The following GUCY1A2 variants were observed in gnomAD, a reference collection of about 807,000 sequenced individuals.
GUCY1A2 encodes the protein guanylate cyclase 1 soluble subunit alpha 2.
A neutral mutation model predicts 63.5 loss-of-function variants in GUCY1A2; 27 were observed. The observed-to-expected ratio is 0.43, with a 90% CI of 0.31 to 0.59. The LOEUF (loss-of-function observed/expected upper bound fraction) is 0.59, where lower values mean the gene tolerates loss of function less well. Among genes scored for constraint, GUCY1A2 ranks in the 20% least tolerant of loss-of-function variants. The probability of loss-of-function intolerance (pLI) is 0.11; values close to 1 mark genes in which losing one functional copy is unlikely to be tolerated. For missense variants in GUCY1A2, 768 were observed against 913.3 expected (o/e 0.84, Z 2.05); for synonymous variants, 364 against 343.5 (o/e 1.06, Z -0.66).
chr11:106,898,433 T>A (rs1860080949), intron 4 of GUCY1A2, among the ~76,000 whole-genome samples: 1 of 152,112 alleles, frequency 6.6e-6, no homozygotes. Context: ...TTGCCAAAAC[T>A]CAAAGCAACC....
Position 106,686,905 on chromosome 11 carries a change from C to G in GUCY1A2, c.*644G>C, listed in dbSNP as rs748884414. On this transcript the variant is annotated 3_prime_UTR_variant, in exon 8 of 8. Transcript: ENST00000526355. ...CACTGATCTCTCTAAATAAGGGAAACTATATTAGATTAATAGGTTAGCATT... is the reference window on the plus strand; with the variant it reads ...CACTGATCTCTCTAAATAAGGGAAAGTATATTAGATTAATAGGTTAGCATT... The G allele has an allele frequency of 5.1e-6, 1 of 197,314 alleles. No individual in the cohort carries two copies. The highest frequency in any genetic ancestry group is 1.0e-5 in the Non-Finnish European group (1 of 95,270). 12.2% of individuals were successfully genotyped at this position (197,314 alleles called of 1,614,324 possible).
At chr11:106,880,234 C>T (rs1331912454) in intron 4 of GUCY1A2, among the ~76,000 whole-genome samples, 4 of 152,160 alleles carry the variant, frequency 2.6e-5, no homozygotes, top group South Asian at 2.1e-4. Context: ...CTTGAAGATT[C>T]ATTCCTTATC....
chr11:106,855,951 G>A (rs1312477216), intron 4 of GUCY1A2, among the ~76,000 whole-genome samples: 3 of 147,056 alleles, frequency 2.0e-5, no homozygotes, highest in Non-Finnish European at 3.0e-5. Flanking sequence ...TTGGTGACAG[G>A]GTCTCATTCC....
At chr11:106,730,644 G>C (rs1476267728) in intron 6 of GUCY1A2, among the ~76,000 whole-genome samples, 2 of 152,200 alleles carry the variant, frequency 1.3e-5, no homozygotes, top group Middle Eastern at 3.4e-3. Context: ...TAATGGGATT[G>C]CTGGGTTGAA....
chr11:106,765,814 A>G (rs1429659832), intron 6 of GUCY1A2, among the ~76,000 whole-genome samples: 1 of 152,160 alleles, frequency 6.6e-6, no homozygotes, highest in Non-Finnish European at 1.5e-5. Flanking sequence ...TATTTCCCTA[A>G]AGAGTCTGAA....
intron 4 of GUCY1A2, among the ~76,000 whole-genome samples, chr11:106,862,326 A>T (rs914526997): frequency 7.8e-4 from 24 of 30,628 alleles, no homozygotes; most frequent in African/African-American, 3.0e-3. Flanking sequence ...ATTGAATGAG[A>T]TATAAAAAAA....
intron 4 of GUCY1A2, chr11:106,827,797 G>A: frequency 6.4e-7 from 1 of 1,572,914 alleles, no homozygotes; most frequent in Non-Finnish European, 8.7e-7. Context: ...GATGGAAAGT[G>A]AGTAGCCAAC....
chr11:106,979,473 AAAG>A (rs61536886), intron 2 of GUCY1A2, among the ~76,000 whole-genome samples: 55 of 150,198 alleles, frequency 3.7e-4, no homozygotes, highest in Admixed American at 5.9e-4. Context: ...AAAAAAAAAA[AAAG>A]AAGAAGATAG....
intron 7 of GUCY1A2, among the ~76,000 whole-genome samples, chr11:106,694,374 T>C (rs1862678762): frequency 6.6e-6 from 1 of 152,164 alleles, no homozygotes; most frequent in Non-Finnish European, 1.5e-5. Context: ...TTATTAGTAA[T>C]AAAGTTCTAC....
At chr11:106,777,747 G>A (rs993113731) in intron 5 of GUCY1A2, among the ~76,000 whole-genome samples, 1 of 152,028 alleles carries the variant, frequency 6.6e-6, no homozygotes, top group Non-Finnish European at 1.5e-5. Context: ...GTTGATGGGT[G>A]CAGCAAACCA....
In GUCY1A2 at chr11:106,936,571, T is replaced by G. The variant is rs946434435; in HGVS notation, c.1206+2889A>C. ...AGAAGAATATGTGAGGCATGGATGA[T>G]CACTTAGAGAAAATGTAGAGGAAAC... On this transcript the variant is annotated intron_variant, in intron 4 of 7. Transcript: ENST00000526355. 1.2e-5 allele frequency: 9 copies of G among 720,598 alleles called. No homozygotes were observed. In the African/African-American group the frequency reaches 1.6e-4, roughly 13 times the overall value. The allele number at this position is 720,598 out of a possible 1,614,324, so 44.6% of individuals were successfully genotyped here. A position where few individuals can be genotyped will look rare whatever the true frequency, so the allele number is the denominator to read the frequency against.
chr11:106,696,788 T>G (rs575808981), intron 7 of GUCY1A2, among the ~76,000 whole-genome samples: 15 of 152,256 alleles, frequency 9.9e-5, no homozygotes, highest in Non-Finnish European at 1.9e-4. Context: ...TCCTTGCAAA[T>G]TCCACTAAAA....
Position 106,677,176 on chromosome 11 carries a change from G to T in GUCY1A2, c.*10373C>A. On this transcript the variant is annotated 3_prime_UTR_variant, in exon 8 of 8. Transcript: ENST00000526355. The stretch of plus-strand genomic sequence containing the variant: ...TAGAAAGAAATAAAGCAAAGAGGGA[G>T]GGAAGGAAAGGAAGGAAAGGAAGGA... The T allele has an allele frequency of 4.5e-6, 1 of 221,654 alleles. No individual in the cohort carries two copies. The allele number at this position is 221,654 out of a possible 1,614,324, so 13.7% of individuals were successfully genotyped here.
chr11:106,987,953 T>C (rs958583319), intron 1 of GUCY1A2, among the ~76,000 whole-genome samples: 2 of 152,154 alleles, frequency 1.3e-5, no homozygotes, highest in African/African-American at 4.8e-5. Flanking sequence ...CACAAATTAA[T>C]TTTAGGAGGA....
At chr11:106,898,427 CA>C (rs1860080882) in intron 4 of GUCY1A2, among the ~76,000 whole-genome samples, 1 of 151,986 alleles carries the variant, frequency 6.6e-6, no homozygotes, top group African/African-American at 2.4e-5. Flanking sequence ...TCATAATTGC[CA>C]AAACTCAAAG....
At chr11:106,928,667 G>A (rs1286602409) in intron 4 of GUCY1A2, among the ~76,000 whole-genome samples, 5 of 152,110 alleles carry the variant, frequency 3.3e-5, no homozygotes, top group African/African-American at 1.2e-4. Flanking sequence ...CACAAACCTA[G>A]AGGCATAGCC....
At chr11:107,008,747 T>C (rs61902999) in intron 1 of GUCY1A2, among the ~76,000 whole-genome samples, 40,925 of 152,042 alleles carry the variant, frequency 0.27, 5,981 homozygotes, top group Non-Finnish European at 0.33. Flanking sequence ...TAGGATTCCA[T>C]AGGGGAAAAA....
intron 4 of GUCY1A2, among the ~76,000 whole-genome samples, chr11:106,908,229 T>C (rs1860240307): frequency 6.6e-6 from 1 of 152,046 alleles, no homozygotes; most frequent in Admixed American, 6.6e-5. Flanking sequence ...CATTAGACCT[T>C]TCTTTACTAG....
rs577506777 is a variant in GUCY1A2, at chr11:106,999,978, A to C, written c.304-13847T>G. Among the ~76,000 whole-genome samples, 34 of 152,300 alleles carry C rather than the reference A, an allele frequency of 2.2e-4. 1 individual carries two copies. The highest frequency in any genetic ancestry group is 8.2e-4 in the African/African-American group (34 of 41,572). ...CACCCGCAACCCAAGAATGCAGCTG[A>C]ATAAGGAGATAAAGTGCCTAAGTCC... On this transcript the variant is annotated intron_variant, in intron 1 of 7. Transcript: ENST00000526355.
Sources: gnomAD v4.1 joint callset for allele counts (sites outside exome capture counted in the v4.1 genomes callset) on GRCh38, gnomAD v4.1.1 for gene constraint, MANE v1.5 for transcripts, NCBI Gene and HGNC (gene_info 2026-07-23, HGNC 2026-07-21) for gene names.